RBFOX1: variants seen among roughly 807,000 people sequenced by gnomAD.
The protein encoded by RBFOX1 is RNA binding protein fox-1 homolog 1.
RBFOX1 carries 8 observed loss-of-function variants against 57.7 expected under a neutral mutation model. That is an observed-to-expected ratio of 0.14 (90% CI 0.08 to 0.25). RBFOX1 has a LOEUF of 0.25. Among genes scored for constraint, RBFOX1 ranks in the 10% least tolerant of loss-of-function variants. The pLI, the probability that RBFOX1 is intolerant of heterozygous loss-of-function variation, is 1.00. For missense variants in RBFOX1, 611 were observed against 548.5 expected (o/e 1.11, Z -1.14); for synonymous variants, 326 against 222.4 (o/e 1.47, Z -4.15).
At chr16:7,136,526 C>G (rs112346743) in intron 4 of RBFOX1, among the ~76,000 whole-genome samples, 3,735 of 151,220 alleles carry the variant, frequency 0.025, 154 homozygotes, top group African/African-American at 0.086. Context: ...CTAACCTCAT[C>G]CGCTCGAGTA....
intron 1 of RBFOX1, among the ~76,000 whole-genome samples, chr16:5,381,626 C>T (rs1567420882): frequency 6.6e-6 from 1 of 152,204 alleles, no homozygotes; most frequent in South Asian, 2.1e-4. Flanking sequence ...CTAACTCCCC[C>T]ATAGGGTTGT....
intron 4 of RBFOX1, among the ~76,000 whole-genome samples, chr16:7,138,837 C>G (rs1362298440): frequency 6.6e-6 from 1 of 152,170 alleles, no homozygotes; most frequent in Non-Finnish European, 1.5e-5. Flanking sequence ...AAGATGGAGT[C>G]TGGCTCTGCT....
chr16:6,760,189 G>C (rs1333052577), intron 3 of RBFOX1, among the ~76,000 whole-genome samples: 1 of 152,190 alleles, frequency 6.6e-6, no homozygotes, highest in Non-Finnish European at 1.5e-5. Flanking sequence ...TGACTCCTTG[G>C]ATATTTATTC....
intron 4 of RBFOX1, among the ~76,000 whole-genome samples, chr16:7,470,891 G>T (rs566928066): frequency 6.6e-6 from 1 of 150,858 alleles, no homozygotes; most frequent in Non-Finnish European, 1.5e-5. Flanking sequence ...GCGGGATGGG[G>T]GAGTATAATT....
intron 1 of RBFOX1, among the ~76,000 whole-genome samples, chr16:6,053,180 T>C (rs902434356): frequency 6.6e-6 from 1 of 152,188 alleles, no homozygotes; most frequent in Admixed American, 6.5e-5. Context: ...GTGCCATGGA[T>C]GTAGCAGAAA....
intron 1 of RBFOX1, among the ~76,000 whole-genome samples, chr16:5,310,434 G>GAA (rs2064055894): frequency 2.6e-5 from 4 of 152,046 alleles, no homozygotes; most frequent in Admixed American, 1.3e-4. Flanking sequence ...GAATTAGGCA[G>GAA]GTATGTTAGA....
At chr16:5,725,149 T>C (rs1208199808) in intron 3 of RBFOX1, among the ~76,000 whole-genome samples, 1 of 152,228 alleles carries the variant, frequency 6.6e-6, no homozygotes, top group African/African-American at 2.4e-5. Flanking sequence ...CTGATACCTG[T>C]TGCAGAGGAG....
At chr16:7,553,194 G>C (rs776776142) in intron 5 of RBFOX1, among the ~76,000 whole-genome samples, 12 of 151,678 alleles carry the variant, frequency 7.9e-5, no homozygotes, top group Non-Finnish European at 1.6e-4. Flanking sequence ...TCCCAGACTG[G>C]AGTGCAGTGG....
At chr16:5,551,478 T>A (rs2045462461) in intron 2 of RBFOX1, among the ~76,000 whole-genome samples, 1 of 152,190 alleles carries the variant, frequency 6.6e-6, no homozygotes, top group Non-Finnish European at 1.5e-5. Flanking sequence ...GCCAGGGAGT[T>A]CCGGCTTCCT....
intron 4 of RBFOX1, among the ~76,000 whole-genome samples, chr16:5,971,437 T>C (rs1225545065): frequency 6.6e-6 from 1 of 152,078 alleles, no homozygotes; most frequent in Non-Finnish European, 1.5e-5. Flanking sequence ...TGAAAGGAGG[T>C]AATTTGTTTT....
In RBFOX1 at chr16:6,187,356, G is replaced by A. The variant is rs114118929; in HGVS notation, c.-126-129639G>A. 6.0e-3 allele frequency among the ~76,000 whole-genome samples: 918 copies of A among 152,294 alleles called. 12 individuals are homozygous for A. The highest frequency in any genetic ancestry group is 0.021 in the African/African-American group (881 of 41,560). Reference sequence around the variant, plus strand: ...GATATTTTAAGCTAAGGTGATAACAGCATGCACAACACCCCTAGATGTGAC... The same window carrying A: ...GATATTTTAAGCTAAGGTGATAACAACATGCACAACACCCCTAGATGTGAC... On this transcript the variant is annotated intron_variant, in intron 1 of 15. Transcript: ENST00000550418.
intron 4 of RBFOX1, among the ~76,000 whole-genome samples, chr16:7,350,122 G>A (rs2097100887): frequency 6.6e-6 from 1 of 152,082 alleles, no homozygotes; most frequent in African/African-American, 2.4e-5. Flanking sequence ...ACTCCAGCTT[G>A]GGCGACAGAG....
chr16:6,063,836 G>A (rs988930128), intron 1 of RBFOX1, among the ~76,000 whole-genome samples: 6 of 152,236 alleles, frequency 3.9e-5, no homozygotes, highest in Admixed American at 2.6e-4. Flanking sequence ...ATGCTTGACA[G>A]CCTCCTTGTC....
intron 1 of RBFOX1, among the ~76,000 whole-genome samples, chr16:5,429,800 A>ATCG (rs2067674934): frequency 6.6e-6 from 1 of 152,120 alleles, no homozygotes; most frequent in Non-Finnish European, 1.5e-5. Flanking sequence ...TGATTTAGTA[A>ATCG]TCGTCTATTG....
chr16:6,167,085 T>G (rs1364924401), intron 1 of RBFOX1, among the ~76,000 whole-genome samples: 1 of 152,194 alleles, frequency 6.6e-6, no homozygotes, highest in Non-Finnish European at 1.5e-5. Context: ...GCCTGTGTTT[T>G]GGGAGTCAAG....
At position 6,517,811 on chromosome 16, in the gene RBFOX1, C is replaced by G. The variant is rs76526913; in HGVS notation, c.-63-136792C>G. Among the ~76,000 whole-genome samples the G allele has an allele frequency of 8.8e-4, 134 of 152,190 alleles. 1 individual carries two copies. In the South Asian group the frequency reaches 0.015, roughly 17 times the overall value. ...AAAATATTTTTGCTTTTCTTCCATTCGTTATTTTATTTTCCAATTCTTAAA... is the reference window on the plus strand; with the variant it reads ...AAAATATTTTTGCTTTTCTTCCATTGGTTATTTTATTTTCCAATTCTTAAA... On this transcript the variant is annotated intron_variant, in intron 2 of 15. Transcript: ENST00000550418.
At chr16:7,443,569 G>T (rs1385643293) in intron 4 of RBFOX1, among the ~76,000 whole-genome samples, 2 of 151,812 alleles carry the variant, frequency 1.3e-5, no homozygotes, top group East Asian at 3.9e-4. Flanking sequence ...TTATATTTCT[G>T]TGGCTCCTTG....
At chr16:6,269,933 T>TATATTTTA (rs2075001143) in intron 1 of RBFOX1, among the ~76,000 whole-genome samples, 1 of 152,106 alleles carries the variant, frequency 6.6e-6, no homozygotes, top group Admixed American at 6.6e-5. Flanking sequence ...TTAAGACAAT[T>TATATTTTA]ATATTTTAAA....
chr16:5,755,408 A>C (rs2053357776), intron 3 of RBFOX1, among the ~76,000 whole-genome samples: 1 of 152,184 alleles, frequency 6.6e-6, no homozygotes, highest in African/African-American at 2.4e-5. Flanking sequence ...CTGGGAGACC[A>C]GGAAGGATCC....
Sources: gnomAD v4.1 joint callset for allele counts (sites outside exome capture counted in the v4.1 genomes callset) on GRCh38, gnomAD v4.1.1 for gene constraint, MANE v1.5 for transcripts, NCBI Gene and HGNC (gene_info 2026-07-23, HGNC 2026-07-21) for gene names.